Variants in SLC25A26 observed in about 807,000 individuals in gnomAD.
SLC25A26 encodes the protein solute carrier family 25 member 26.
A neutral mutation model predicts 37.8 loss-of-function variants in SLC25A26; 36 were observed. The observed-to-expected ratio is 0.95, with a 90% CI of 0.73 to 1.26. The LOEUF is 1.26. Ranked by LOEUF, SLC25A26 falls within the 50% of genes most tolerant of loss-of-function variation. The pLI, the probability that SLC25A26 is intolerant of heterozygous loss-of-function variation, is 0.00. For missense variants in SLC25A26, 390 were observed against 331.1 expected (o/e 1.18, Z -1.38); for synonymous variants, 129 against 122.5 (o/e 1.05, Z -0.35).
rs1324321379 is a variant in SLC25A26 at position 66,369,523 on chromosome 3, C to G, written c.614C>G (p.Thr205Arg). The change falls in exon 8 of 10, where the codon ACA becomes AGA. Residue 205 changes from threonine (T) to arginine (R), a missense_variant. By Grantham distance (71) the Thr-to-Arg change is moderately conservative. Transcript: ENST00000354883. ...AVTTPLDVAK[T>R]RITLAKAGSS... ...ACCACCCCTCTAGACGTGGCAAAGA[C>G]AAGAATTACGCTGGCAAAGGTAAGT... The G allele has an allele frequency of 6.2e-7, 1 of 1,602,196 alleles. No homozygotes were observed. The highest frequency in any genetic ancestry group is 1.1e-5 in the South Asian group (1 of 88,202).
intron 7 of SLC25A26, among the ~76,000 whole-genome samples, chr3:66,368,640 C>G (rs1700166524): frequency 6.6e-6 from 1 of 152,166 alleles, no homozygotes; most frequent in South Asian, 2.1e-4. Context: ...CCCAAAATCC[C>G]CACAATGTCA....
At chr3:66,181,043 C>T (rs1396070467) in intron 1 of SLC25A26, among the ~76,000 whole-genome samples, 2 of 152,322 alleles carry the variant, frequency 1.3e-5, no homozygotes, top group East Asian at 1.9e-4. Flanking sequence ...TCACCAGAAA[C>T]CAACCCTGCT....
intron 8 of SLC25A26, among the ~76,000 whole-genome samples, 188 bp from the exon 9 acceptor site, chr3:66,370,341 C>G (rs1412974302): frequency 1.3e-5 from 2 of 152,212 alleles, no homozygotes; most frequent in Non-Finnish European, 2.9e-5. Context: ...CCCTGCTTGC[C>G]TGCATATCGG....
intron 1 of SLC25A26, among the ~76,000 whole-genome samples, chr3:66,138,846 C>T (rs770515148): frequency 1.5e-4 from 23 of 152,210 alleles, no homozygotes; most frequent in Non-Finnish European, 2.8e-4. Flanking sequence ...TGAGCACAGC[C>T]ACTGTGTGAT....
intron 2 of SLC25A26, among the ~76,000 whole-genome samples, chr3:66,238,313 A>G (rs2072396967): frequency 6.6e-6 from 1 of 152,206 alleles, no homozygotes; most frequent in South Asian, 2.1e-4. Flanking sequence ...ATGATAGCAT[A>G]AACAGTTGAT....
chr3:66,152,435 C>G (rs2070221433), intron 1 of SLC25A26, among the ~76,000 whole-genome samples: 1 of 152,156 alleles, frequency 6.6e-6, no homozygotes, highest in Admixed American at 6.5e-5. Context: ...AGGCCTGTGA[C>G]AGATTGGAAT....
At chr3:66,325,751 C>G (rs975781389) in intron 5 of SLC25A26, among the ~76,000 whole-genome samples, 1 of 152,134 alleles carries the variant, frequency 6.6e-6, no homozygotes, top group Non-Finnish European at 1.5e-5. Flanking sequence ...AATGAGCCAG[C>G]GCATGCAGGG....
chr3:66,364,544 T>C (rs2078007), intron 7 of SLC25A26, among the ~76,000 whole-genome samples: 46,029 of 152,078 alleles, frequency 0.3, 7,695 homozygotes, highest in East Asian at 0.67. Flanking sequence ...AATGAGACTT[T>C]GGGACCCTCC....
At chr3:66,253,140 G>A (rs1032919884) in intron 3 of SLC25A26, among the ~76,000 whole-genome samples, 2 of 151,856 alleles carry the variant, frequency 1.3e-5, no homozygotes, top group Non-Finnish European at 2.9e-5. Flanking sequence ...GGGCGCAGTG[G>A]CTCATGCCTG....
chr3:66,309,128 G>A (rs2075306574), intron 5 of SLC25A26, among the ~76,000 whole-genome samples: 1 of 151,746 alleles, frequency 6.6e-6, no homozygotes, highest in Non-Finnish European at 1.5e-5. Context: ...GGTAGAATTC[G>A]GCTGTGAGCC....
Position 66,262,141 on chromosome 3 carries a change from A to G in SLC25A26, c.391A>G (p.Ile131Val), listed in dbSNP as rs745455111. ...AAGAACATTTCAGATTTTCTCTAACATCTTATATGAAGAGGTGAGATGGGT... is the reference window on the plus strand; with the variant it reads ...AAGAACATTTCAGATTTTCTCTAACGTCTTATATGAAGAGGTGAGATGGGT... The part of the protein sequence containing the change: ...STRTFQIFSN[I>V]LYEEGIQGLY... The change falls in exon 4 of 10, where the codon ATC (isoleucine) becomes GTC (valine). Residue 131 changes from isoleucine to valine, a missense_variant. Transcript: ENST00000354883. 2 of 1,548,888 alleles carry G rather than the reference A, an allele frequency of 1.3e-6. No homozygotes were observed. Among genetic ancestry groups the G allele is most frequent in the Non-Finnish European group, 8.8e-7 (1 of 1,140,228 alleles).
At chr3:66,234,766 G>A (rs1468043890) in intron 1 of SLC25A26, among the ~76,000 whole-genome samples, 2 of 152,082 alleles carry the variant, frequency 1.3e-5, no homozygotes, top group Non-Finnish European at 2.9e-5. Context: ...CTCGAAGGAT[G>A]GAAACAATCA....
At chr3:66,151,297 T>C (rs990547507) in intron 1 of SLC25A26, among the ~76,000 whole-genome samples, 3 of 151,986 alleles carry the variant, frequency 2.0e-5, no homozygotes, top group Non-Finnish European at 4.4e-5. Context: ...GTGGGCATGC[T>C]AAGCAAAGCT....
At chr3:66,301,207 T>A (rs1426217747) in intron 5 of SLC25A26, among the ~76,000 whole-genome samples, 2 of 152,236 alleles carry the variant, frequency 1.3e-5, no homozygotes, top group Non-Finnish European at 2.9e-5. Flanking sequence ...TCCCTGAATT[T>A]ATTATAGCAA....
intron 4 of SLC25A26, 65 bp from the exon 5 acceptor site, chr3:66,263,267 A>G: frequency 1.7e-6 from 2 of 1,187,242 alleles, no homozygotes; most frequent in Admixed American, 3.6e-5. Flanking sequence ...GATCTGCTGT[A>G]TACAGAATGT....
chr3:66,359,937 A>G (rs971071734), intron 6 of SLC25A26, among the ~76,000 whole-genome samples: 2 of 152,220 alleles, frequency 1.3e-5, no homozygotes, highest in Non-Finnish European at 2.9e-5. Context: ...AGTGCAGTAA[A>G]TTGAATTAAT....
chr3:66,226,473 GTTC>G (rs1391997653), intron 1 of SLC25A26, among the ~76,000 whole-genome samples: 1 of 151,808 alleles, frequency 6.6e-6, no homozygotes, highest in Non-Finnish European at 1.5e-5. Context: ...TTTCATGTGC[GTTC>G]TTTTCTTTTT....
At chr3:66,135,088 C>G (rs1454649138) in intron 1 of SLC25A26, among the ~76,000 whole-genome samples, 1 of 152,086 alleles carries the variant, frequency 6.6e-6, no homozygotes, top group African/African-American at 2.4e-5. Context: ...ACTTTGGCCT[C>G]GCAAAGAGCT....
chr3:66,183,189 G>T (rs1368403953), intron 1 of SLC25A26, among the ~76,000 whole-genome samples: 1 of 151,412 alleles, frequency 6.6e-6, no homozygotes, highest in African/African-American at 2.4e-5. Flanking sequence ...TAATCCTTTC[G>T]CTGACCCTGA....
Sources: gnomAD v4.1 joint callset for allele counts (sites outside exome capture counted in the v4.1 genomes callset) on GRCh38, gnomAD v4.1.1 for gene constraint, MANE v1.5 for transcripts, NCBI Gene and HGNC (gene_info 2026-07-23, HGNC 2026-07-21) for gene names.